Variants in BLNK observed in about 807,000 individuals in gnomAD.
BLNK encodes B cell linker.
Under a neutral mutation model 73.5 loss-of-function variants are expected in BLNK, and 29 were observed. The ratio of observed to expected loss-of-function variants is 0.39; its 90% CI spans 0.29 to 0.54. The LOEUF is 0.54. Among genes scored for constraint, BLNK ranks in the 20% least tolerant of loss-of-function variants. The probability of loss-of-function intolerance (pLI) is 0.61; values close to 1 mark genes in which losing one functional copy is unlikely to be tolerated. For missense variants in BLNK, 460 were observed against 562.8 expected (o/e 0.82, Z 1.85); for synonymous variants, 176 against 200.8 (o/e 0.88, Z 1.04).
At chr10:96,270,871 C>A (rs1373502599) in intron 1 of BLNK, among the ~76,000 whole-genome samples, 1 of 152,102 alleles carries the variant, frequency 6.6e-6, no homozygotes, top group Non-Finnish European at 1.5e-5. Context: ...TCTAATCCCC[C>A]CAAACACACT....
Position 96,246,966 on chromosome 10 carries a change from A to T in BLNK, c.113+18T>A. The T allele has an allele frequency of 6.5e-7, 1 of 1,547,260 alleles. No homozygotes were observed. Among genetic ancestry groups the T allele is most frequent in the Non-Finnish European group, 8.9e-7 (1 of 1,123,352 alleles). On this transcript the variant is annotated intron_variant, in intron 2 of 16. Coordinates refer to ENST00000224337, the MANE Select transcript of BLNK (RefSeq NM_013314.4). ...ACTTATTTTATATAATTAAGTATTT[A>T]AATAGAGGCGAACTTACTTTTTGAT...
chr10:96,224,147 C>G (rs1158672106), intron 5 of BLNK, among the ~76,000 whole-genome samples, 158 bp from the exon 6 acceptor site: 4 of 152,110 alleles, frequency 2.6e-5, no homozygotes, highest in Non-Finnish European at 4.4e-5. Context: ...AAATGTTAGG[C>G]CCAAAATTTC....
intron 16 of BLNK, among the ~76,000 whole-genome samples, chr10:96,195,393 A>G (rs1425951952): frequency 6.6e-6 from 1 of 152,224 alleles, no homozygotes; most frequent in Non-Finnish European, 1.5e-5. Flanking sequence ...ACAATAGCCA[A>G]GAGGTAGAAG....
At chr10:96,204,807 T>G in intron 11 of BLNK, 191 bp from the exon 12 acceptor site, 1 of 592,512 alleles carries the variant, frequency 1.7e-6, no homozygotes, top group Non-Finnish European at 3.1e-6. Flanking sequence ...GGACCAGGAC[T>G]CCCTCCCAGC....
rs1170848265 is a variant in BLNK, at chr10:96,208,540, T to C, written c.747-641A>G. Among the ~76,000 whole-genome samples the C allele has an allele frequency of 2.0e-5, 3 of 152,232 alleles. No individual in the cohort carries two copies. The East Asian group carries it at 5.8e-4, about 29-fold the overall frequency. On this transcript the variant is annotated intron_variant, in intron 9 of 16. Transcript: ENST00000224337. Reference sequence around the variant, plus strand: ...CTAGTTTGCAAAATGATTCAGGTGCTGGAGCTTCTGAAAGTCGGGGTGTCT... The same window carrying C: ...CTAGTTTGCAAAATGATTCAGGTGCCGGAGCTTCTGAAAGTCGGGGTGTCT...
chr10:96,242,601 G>T, intron 3 of BLNK, 134 bp downstream of exon 3: 2 of 901,644 alleles, frequency 2.2e-6, no homozygotes, highest in South Asian at 1.4e-5. Context: ...AATAGATTTA[G>T]TCATTCTTGA....
chr10:96,246,526 T>G (rs1450076126), intron 2 of BLNK, among the ~76,000 whole-genome samples: 1 of 152,144 alleles, frequency 6.6e-6, no homozygotes, highest in Non-Finnish European at 1.5e-5. Flanking sequence ...CACTCCAGCC[T>G]GGGCAACAAG....
At chr10:96,256,393 A>G (rs1843511465) in intron 1 of BLNK, among the ~76,000 whole-genome samples, 1 of 152,246 alleles carries the variant, frequency 6.6e-6, no homozygotes, top group Non-Finnish European at 1.5e-5. Flanking sequence ...ATTTAAATGC[A>G]TTTAATTTAA....
chr10:96,216,691 A>G lies in BLNK; in HGVS notation c.569T>C (p.Ile190Thr), dbSNP rs1161673458. The part of the protein sequence containing the change: ...VPVEDNDENY[I>T]HPTESSSPPP... ...AGGTGAACTGCTTTCTGTGGGATGAATATAGTTTTCATCATTATCTTCCAC... is the reference window on the plus strand; with the variant it reads ...AGGTGAACTGCTTTCTGTGGGATGAGTATAGTTTTCATCATTATCTTCCAC... The change falls in exon 7 of 17, where the codon ATT becomes ACT. Residue 190 changes from isoleucine to threonine, a missense_variant. Around this residue, in one of 3 missense-constraint regions of BLNK, gnomAD observed 233 missense variants for 232.1 expected, o/e 1.00. Transcript: ENST00000224337. The G allele has an allele frequency of 6.2e-7, 1 of 1,614,024 alleles. No individual in the cohort carries two copies. The highest frequency in any genetic ancestry group is 1.7e-5 in the Admixed American group (1 of 60,000).
At chr10:96,269,454 C>T (rs1844172794) in intron 1 of BLNK, among the ~76,000 whole-genome samples, 1 of 151,770 alleles carries the variant, frequency 6.6e-6, no homozygotes, top group African/African-American at 2.4e-5. Flanking sequence ...TCCTCCTGTT[C>T]ATTCAGAGGA....
intron 3 of BLNK, among the ~76,000 whole-genome samples, chr10:96,233,731 C>T (rs1183302145): frequency 2.0e-5 from 3 of 152,180 alleles, no homozygotes; most frequent in Non-Finnish European, 4.4e-5. Context: ...CTGGTGGCAC[C>T]GTGATGTCAC....
At chr10:96,224,134 G>T in intron 5 of BLNK, 145 bp from the exon 6 acceptor site, 1 of 986,400 alleles carries the variant, frequency 1.0e-6, no homozygotes, top group Non-Finnish European at 1.5e-6. Context: ...AAAGAGTAAA[G>T]TGAAATGTTA....
At chr10:96,213,313 T>G (rs182941459) in intron 8 of BLNK, among the ~76,000 whole-genome samples, 20 of 152,178 alleles carry the variant, frequency 1.3e-4, no homozygotes, top group Non-Finnish European at 2.8e-4. Context: ...TCCTGAGCAA[T>G]GACATTGAAG....
At chr10:96,205,046 C>T (rs1480195427) in intron 11 of BLNK, 1 of 234,288 alleles carries the variant, frequency 4.3e-6, no homozygotes, top group Non-Finnish European at 8.5e-6. Context: ...GTGGTATAAG[C>T]AGTGTGTTAC....
rs587631467 is a variant in BLNK, at chr10:96,239,738, G to T, written c.163+2997C>A. The stretch of plus-strand genomic sequence containing the variant: ...AGGCATCAAGGTTGATCCCAAGTGT[G>T]TGGGTTAGGCAAAAGGATGAATAAT... On this transcript the variant is annotated intron_variant, in intron 3 of 16. Coordinates refer to ENST00000224337, the MANE Select transcript of BLNK (RefSeq NM_013314.4). 4.3e-4 allele frequency among the ~76,000 whole-genome samples: 66 copies of T among 152,298 alleles called. 1 individual carries two copies. The highest frequency in any genetic ancestry group is 1.4e-3 in the African/African-American group (59 of 41,566).
intron 3 of BLNK, 112 bp from the exon 4 acceptor site, chr10:96,230,946 G>A: frequency 9.2e-7 from 1 of 1,085,020 alleles, no homozygotes; most frequent in Non-Finnish European, 1.4e-6. Context: ...GCTTTCTGGT[G>A]CCATATACTT....
At position 96,198,152 on chromosome 10, in the gene BLNK, C is replaced by T. The variant is rs1382814205; in HGVS notation, c.1096-1089G>A. 7.2e-5 allele frequency among the ~76,000 whole-genome samples: 11 copies of T among 151,760 alleles called. No homozygotes were observed. The East Asian group carries it at 7.7e-4, about 11-fold the overall frequency. ...AACAAATTATAAGATGTCCAAGGGACGAGAGCTTCAAATGAAGATTTAAGA... is the reference window on the plus strand; with the variant it reads ...AACAAATTATAAGATGTCCAAGGGATGAGAGCTTCAAATGAAGATTTAAGA... On this transcript the variant is annotated intron_variant, in intron 15 of 16. Coordinates refer to ENST00000224337, the MANE Select transcript of BLNK (RefSeq NM_013314.4).
At chr10:96,254,047 T>TA (rs1369486148) in intron 1 of BLNK, among the ~76,000 whole-genome samples, 2 of 138,982 alleles carry the variant, frequency 1.4e-5, no homozygotes, top group Non-Finnish European at 3.1e-5. Context: ...ATTAAAAAAA[T>TA]AAAAAAAAGG....
intron 5 of BLNK, among the ~76,000 whole-genome samples, chr10:96,226,965 A>T (rs1012635086): frequency 6.6e-6 from 1 of 152,118 alleles, no homozygotes; most frequent in Admixed American, 6.5e-5. Flanking sequence ...TGGACTAGGC[A>T]TGGGAGGAAG....
Sources: allele counts gnomAD v4.1 joint callset (sites outside exome capture counted in the v4.1 genomes callset), GRCh38; gene constraint gnomAD v4.1.1; regional missense constraint gnomAD v4.1.1; transcripts MANE v1.5; gene names NCBI Gene and HGNC (gene_info 2026-07-23, HGNC 2026-07-21).